Variants in EEFSEC observed in about 807,000 individuals in gnomAD.
The protein encoded by EEFSEC is eukaryotic elongation factor, selenocysteine-tRNA specific.
In EEFSEC, 43 loss-of-function variants were observed where a neutral mutation model predicts 42.1. The observed-to-expected ratio is 1.02, with a 90% CI of 0.80 to 1.32. The LOEUF (loss-of-function observed/expected upper bound fraction) is 1.32, where lower values mean the gene tolerates loss of function less well. Among genes scored for constraint, EEFSEC ranks in the 40% most tolerant of loss-of-function variants. The pLI is 0.00. For missense variants in EEFSEC, 745 were observed against 803.6 expected, an observed-to-expected ratio of 0.93 and a Z score of 0.88; for synonymous variants, 354 against 339.1, an observed-to-expected ratio of 1.04 and a Z score of -0.48.
At chr3:128,323,952 C>A (rs566451095) in intron 4 of EEFSEC, among the ~76,000 whole-genome samples, 1 of 152,280 alleles carries the variant, frequency 6.6e-6, no homozygotes, top group Admixed American at 6.5e-5. Context: ...GCTCCCTCAG[C>A]TGAGGCTTGC....
chr3:128,272,903 G>A (rs1335139635), intron 4 of EEFSEC, among the ~76,000 whole-genome samples: 1 of 152,158 alleles, frequency 6.6e-6, no homozygotes, highest in Non-Finnish European at 1.5e-5. Flanking sequence ...CTGGCTTGGT[G>A]CTTCCCAGTG....
Position 128,264,917 on chromosome 3 carries a change from C to A in EEFSEC, c.786+136C>A, listed in dbSNP as rs572692582. Reference sequence around the variant, plus strand: ...CCCACTGCCTGCTCCGCCCCACCTCCCCTCTGGCTGCCTGGCCCCGCCCGG... The same window carrying A: ...CCCACTGCCTGCTCCGCCCCACCTCACCTCTGGCTGCCTGGCCCCGCCCGG... On this transcript the variant is annotated intron_variant, in intron 4 of 6. Transcript: ENST00000254730. The A allele has an allele frequency of 4.6e-6, 5 of 1,093,648 alleles. No individual in the cohort carries two copies. In the African/African-American group the frequency reaches 7.9e-5, roughly 17 times the overall value. The allele number at this position is 1,093,648 out of a possible 1,614,324, so 67.7% of individuals were successfully genotyped here.
At chr3:128,199,628 G>A (rs1216804111) in intron 1 of EEFSEC, among the ~76,000 whole-genome samples, 2 of 152,198 alleles carry the variant, frequency 1.3e-5, no homozygotes, top group East Asian at 1.9e-4. Flanking sequence ...AAGTGTTTCT[G>A]CAAGTTTCTG....
At chr3:128,351,897 G>T (rs2067390263) in intron 5 of EEFSEC, among the ~76,000 whole-genome samples, 1 of 152,214 alleles carries the variant, frequency 6.6e-6, no homozygotes, top group South Asian at 2.1e-4. Context: ...AACTGTGCTG[G>T]CCTGGATTCA....
At chr3:128,211,345 C>G (rs1172925225) in intron 1 of EEFSEC, among the ~76,000 whole-genome samples, 1 of 152,000 alleles carries the variant, frequency 6.6e-6, no homozygotes, top group Non-Finnish European at 1.5e-5. Context: ...CCTTGAACTC[C>G]TGGGTTCAAG....
intron 5 of EEFSEC, among the ~76,000 whole-genome samples, chr3:128,350,560 A>G (rs530556637): frequency 1.3e-5 from 2 of 152,330 alleles, no homozygotes; most frequent in African/African-American, 4.8e-5. Context: ...CCCAGCCCAA[A>G]TCCTCAGCGT....
intron 5 of EEFSEC, among the ~76,000 whole-genome samples, chr3:128,344,347 T>C (rs2067288414): frequency 6.6e-6 from 1 of 152,234 alleles, no homozygotes; most frequent in Non-Finnish European, 1.5e-5. Flanking sequence ...CCTATGTACA[T>C]TTTTCCCCAA....
At chr3:128,420,405 T>C in the EEFSEC span, among the ~76,000 whole-genome samples, 2 of 152,186 alleles carry the variant, frequency 1.3e-5, no homozygotes, top group Non-Finnish European at 2.9e-5. Context: ...GCAGGTGGGC[T>C]GGGGGCGCCC....
At chr3:128,166,093 G>C (rs952976082) in intron 1 of EEFSEC, among the ~76,000 whole-genome samples, 1 of 152,202 alleles carries the variant, frequency 6.6e-6, no homozygotes, top group Non-Finnish European at 1.5e-5. Flanking sequence ...TTACGCTCTA[G>C]AGAGGAAAGA....
chr3:128,190,467 GAA>G (rs1207683791), intron 1 of EEFSEC, among the ~76,000 whole-genome samples: 2 of 152,164 alleles, frequency 1.3e-5, no homozygotes, highest in African/African-American at 4.8e-5. Context: ...TATAAAGAAA[GAA>G]AATATTTTTA....
At chr3:128,344,765 G>A (rs1378773811) in intron 5 of EEFSEC, among the ~76,000 whole-genome samples, 2 of 152,222 alleles carry the variant, frequency 1.3e-5, no homozygotes, top group African/African-American at 4.8e-5. Context: ...ACAGCTGTAC[G>A]CCTTGGGCAG....
At chr3:128,399,109 A>T (rs199924802) in intron 6 of EEFSEC, among the ~76,000 whole-genome samples, 92 of 67,386 alleles carry the variant, frequency 1.4e-3, no homozygotes, top group Admixed American at 0.01. Flanking sequence ...TAAATAAAAT[A>T]AAAAAAAACC....
chr3:128,327,321 T>G (rs1442277853), intron 4 of EEFSEC, among the ~76,000 whole-genome samples: 2 of 91,738 alleles, frequency 2.2e-5, no homozygotes, highest in African/African-American at 8.0e-5. Context: ...TCCCCCTCTC[T>G]CCCGATCTCA....
chr3:128,233,456 T>A (rs2065978850), intron 1 of EEFSEC, among the ~76,000 whole-genome samples: 3 of 152,244 alleles, frequency 2.0e-5, no homozygotes. Flanking sequence ...ACTTCTTCCC[T>A]GATGTGGATC....
At chr3:128,207,412 T>A (rs2065709136) in intron 1 of EEFSEC, among the ~76,000 whole-genome samples, 1 of 151,984 alleles carries the variant, frequency 6.6e-6, no homozygotes, top group East Asian at 1.9e-4. Flanking sequence ...AGGAGCCACA[T>A]TGTTTGTTTT....
At chr3:128,391,399 A>G (rs1177631525) in intron 6 of EEFSEC, among the ~76,000 whole-genome samples, 1 of 152,220 alleles carries the variant, frequency 6.6e-6, no homozygotes, top group Non-Finnish European at 1.5e-5. Context: ...CTCCCAGTTG[A>G]CCACCAAAGG....
chr3:128,330,749 C>T (rs2067118404), intron 4 of EEFSEC, among the ~76,000 whole-genome samples: 1 of 151,548 alleles, frequency 6.6e-6, no homozygotes, highest in South Asian at 2.1e-4. Flanking sequence ...CCCCTCTTCC[C>T]CGCTTCCTCA....
chr3:128,398,746 C>T (rs1378107674), intron 6 of EEFSEC, among the ~76,000 whole-genome samples: 3 of 152,180 alleles, frequency 2.0e-5, no homozygotes, highest in Non-Finnish European at 4.4e-5. Flanking sequence ...GTGTGAGCCC[C>T]AGCCTGAGCT....
chr3:128,202,042 T>C (rs1331603034), intron 1 of EEFSEC, among the ~76,000 whole-genome samples: 1 of 152,090 alleles, frequency 6.6e-6, no homozygotes, highest in Non-Finnish European at 1.5e-5. Context: ...TGTACTTTGA[T>C]TTGTTTGTCT....
Sources: gnomAD v4.1 joint callset for allele counts (sites outside exome capture counted in the v4.1 genomes callset) on GRCh38, gnomAD v4.1.1 for gene constraint, MANE v1.5 for transcripts, NCBI Gene and HGNC (gene_info 2026-07-23, HGNC 2026-07-21) for gene names.